The following ANKRD44 variants were observed in gnomAD, a reference collection of about 807,000 sequenced individuals.
ANKRD44 encodes ankyrin repeat domain 44, also known as serine/threonine-protein phosphatase 6 regulatory ankyrin repeat subunit B.
Under a neutral mutation model 116.0 loss-of-function variants are expected in ANKRD44, and 35 were observed. The ratio of observed to expected loss-of-function variants is 0.30; its 90% CI spans 0.23 to 0.40. ANKRD44 has a LOEUF of 0.40. Ranked by LOEUF, ANKRD44 falls within the 10% of genes least tolerant of loss-of-function variation. The probability of loss-of-function intolerance (pLI) is 1.00; values close to 1 mark genes in which losing one functional copy is unlikely to be tolerated. For synonymous variants in ANKRD44, 435 were observed against 461.8 expected (o/e 0.94, Z 0.74); for missense variants, 1,014 against 1,242.6 (o/e 0.82, Z 2.77).
chr2:197,050,668 C>T (rs1236113740), intron 16 of ANKRD44, among the ~76,000 whole-genome samples: 2 of 152,066 alleles, frequency 1.3e-5, no homozygotes, highest in African/African-American at 4.8e-5. Context: ...AGTGATCCAC[C>T]CACCTTGGCC....
chr2:197,255,299 G>A (rs2082419079), intron 1 of ANKRD44, among the ~76,000 whole-genome samples: 1 of 152,210 alleles, frequency 6.6e-6, no homozygotes, highest in Non-Finnish European at 1.5e-5. Context: ...TCATTTGGAA[G>A]CTCAGCTTCC....
chr2:197,066,036 C>G (rs2077425826), intron 16 of ANKRD44, among the ~76,000 whole-genome samples: 1 of 152,118 alleles, frequency 6.6e-6, no homozygotes. Context: ...TGTAAAAATC[C>G]TCAATAAAAC....
rs907356609 is a variant in ANKRD44 at position 196,990,150 on chromosome 2, T to C, written c.2924-501A>G. Reference sequence around the variant, plus strand: ...CTTACTATAGAGAGGATATAAATAGTTGGACTCTCTAAAAAGATTATTACA... The same window carrying C: ...CTTACTATAGAGAGGATATAAATAGCTGGACTCTCTAAAAAGATTATTACA... On this transcript the variant is annotated intron_variant, in intron 27 of 27. Coordinates refer to ENST00000282272, the MANE Select transcript of ANKRD44 (RefSeq NM_001195144.2). 2.9e-5 allele frequency: 29 copies of C among 986,288 alleles called. No homozygotes were observed. In the African/African-American group the frequency reaches 4.7e-4, roughly 16 times the overall value. 61.1% of individuals were successfully genotyped at this position (986,288 alleles called of 1,614,324 possible). A position where few individuals can be genotyped will look rare whatever the true frequency, so the allele number is the denominator to read the frequency against.
chr2:197,160,074 G>C (rs142219287), intron 2 of ANKRD44, among the ~76,000 whole-genome samples: 1 of 151,780 alleles, frequency 6.6e-6, no homozygotes. Context: ...ACATGCACAC[G>C]CACACACATA....
chr2:197,225,138 A>G (rs2125742744), intron 1 of ANKRD44, among the ~76,000 whole-genome samples: 1 of 152,296 alleles, frequency 6.6e-6, no homozygotes, highest in East Asian at 1.9e-4. Context: ...GCCTTTGTGG[A>G]TCTGAGAGAC....
intron 17 of ANKRD44, chr2:197,015,875 C>G: frequency 2.0e-6 from 1 of 512,450 alleles, no homozygotes; most frequent in South Asian, 1.6e-5. Flanking sequence ...AATAATGATT[C>G]TGGAAATTAT....
intron 1 of ANKRD44, among the ~76,000 whole-genome samples, chr2:197,309,072 T>G (rs534611126): frequency 1.5e-4 from 23 of 152,358 alleles, no homozygotes; most frequent in African/African-American, 5.5e-4. Flanking sequence ...TTCTTATATG[T>G]GATAACAATA....
intron 1 of ANKRD44, among the ~76,000 whole-genome samples, chr2:197,295,014 T>C (rs1010838870): frequency 3.3e-5 from 5 of 152,202 alleles, no homozygotes; most frequent in Non-Finnish European, 2.9e-5. Flanking sequence ...CTTCCTTCTC[T>C]ACAGTGATTC....
intron 17 of ANKRD44, 44 bp downstream of exon 17, chr2:197,025,152 G>T: frequency 1.3e-6 from 2 of 1,565,084 alleles, no homozygotes; most frequent in South Asian, 2.2e-5. Flanking sequence ...GAATGCTTAG[G>T]TTGTTTTTGT....
At chr2:197,099,336 A>G (rs755859730) in intron 10 of ANKRD44, 7 of 210,800 alleles carry the variant, frequency 3.3e-5, no homozygotes, top group Non-Finnish European at 5.8e-5. Flanking sequence ...CTCCCATAGC[A>G]CCCAGCATAG....
At chr2:197,246,538 C>T (rs540323301) in intron 1 of ANKRD44, among the ~76,000 whole-genome samples, 67 of 151,826 alleles carry the variant, frequency 4.4e-4, no homozygotes, top group Admixed American at 7.9e-4. Flanking sequence ...GCCATCCCTA[C>T]AATGGGACCT....
At chr2:197,216,869 AACACACACACAC>A (rs61641385) in intron 1 of ANKRD44, among the ~76,000 whole-genome samples, 2 of 139,734 alleles carry the variant, frequency 1.4e-5, no homozygotes, top group African/African-American at 2.8e-5. Context: ...ACATTGGTTA[AACACACACACAC>A]ACACACACAC....
At chr2:197,169,047 G>T (rs950707966) in intron 2 of ANKRD44, among the ~76,000 whole-genome samples, 4 of 152,108 alleles carry the variant, frequency 2.6e-5, no homozygotes, top group Non-Finnish European at 5.9e-5. Context: ...CAGCTCTGAT[G>T]ACCGGCCCCT....
At chr2:197,056,922 T>C (rs558254898) in intron 16 of ANKRD44, among the ~76,000 whole-genome samples, 36 of 152,206 alleles carry the variant, frequency 2.4e-4, no homozygotes, top group Non-Finnish European at 3.2e-4. Context: ...TTCTGCCATG[T>C]AAGGTAACAT....
intron 1 of ANKRD44, among the ~76,000 whole-genome samples, chr2:197,192,137 G>C (rs1259340694): frequency 3.6e-4 from 54 of 152,050 alleles, no homozygotes; most frequent in Admixed American, 3.4e-3. Flanking sequence ...TTTGATTTTT[G>C]CTAAAACCAC....
At chr2:197,064,512 G>A (rs565624560) in intron 16 of ANKRD44, among the ~76,000 whole-genome samples, 79 of 152,252 alleles carry the variant, frequency 5.2e-4, no homozygotes, top group African/African-American at 1.8e-3. Context: ...CTGGCAAATT[G>A]GATAAAGAGT....
intron 3 of ANKRD44, among the ~76,000 whole-genome samples, chr2:197,138,259 G>C (rs896044861): frequency 2.0e-5 from 3 of 152,146 alleles, no homozygotes; most frequent in Admixed American, 1.3e-4. Flanking sequence ...CTAAATCTAT[G>C]ACTCAGATTT....
rs145800695 is a variant in ANKRD44 at position 197,013,582 on chromosome 2, G to A, written c.1853C>T (p.Ala618Val). The A allele has an allele frequency of 3.9e-4, 622 of 1,614,122 alleles. 2 individuals are homozygous for A. In the African/African-American group the frequency reaches 7.1e-3, roughly 18 times the overall value. Residue 618 changes from alanine (A) to valine (V), a missense_variant, in exon 18 of 28, where the codon GCG (alanine) becomes GTG (valine). Coordinates refer to ENST00000282272, the MANE Select transcript of ANKRD44 (RefSeq NM_001195144.2). ...GATGGATGCGCCCTGATTGATAAGCGCTTCCACACATTCTGTGTGTCCTTT... is the reference window on the plus strand; with the variant it reads ...GATGGATGCGCCCTGATTGATAAGCACTTCCACACATTCTGTGTGTCCTTT... Reference protein sequence around the residue: ...AFKGHTECVEALINQGASIFV... With the variant: ...AFKGHTECVEVLINQGASIFV...
chr2:197,020,902 A>T (rs2076485483), intron 17 of ANKRD44, among the ~76,000 whole-genome samples: 1 of 151,472 alleles, frequency 6.6e-6, no homozygotes. Flanking sequence ...GCACCCATTA[A>T]CTCTTCATTT....
Sources: gnomAD v4.1 joint callset for allele counts (sites outside exome capture counted in the v4.1 genomes callset) on GRCh38, gnomAD v4.1.1 for gene constraint, MANE v1.5 for transcripts, NCBI Gene and HGNC (gene_info 2026-07-23, HGNC 2026-07-21) for gene names.